The following HMCN1 variants were observed in gnomAD, a reference collection of about 807,000 sequenced individuals.
The protein encoded by HMCN1 is hemicentin-1.
In HMCN1, 321 loss-of-function variants were observed where a neutral mutation model predicts 625.9. The observed-to-expected ratio is 0.51, with a 90% CI of 0.47 to 0.56. The LOEUF (loss-of-function observed/expected upper bound fraction) is 0.56, where lower values mean the gene tolerates loss of function less well. HMCN1 is among the 20% of genes least tolerant of loss of function. HMCN1 has a pLI of 0.00. For missense variants in HMCN1, 6,588 were observed against 6,887.3 expected (o/e 0.96, Z 1.54); for synonymous variants, 2,425 against 2,417.6 (o/e 1.00, Z -0.09).
intron 89 of HMCN1, among the ~76,000 whole-genome samples, chr1:186,138,849 G>C (rs10489754): frequency 3.3e-5 from 5 of 152,192 alleles, no homozygotes; most frequent in Admixed American, 6.6e-5. Flanking sequence ...CTAGTGTAAA[G>C]AGTGTTGAGA....
At position 186,037,222 on chromosome 1, in the gene HMCN1, A is replaced by AGTTGTTT. The variant is rs1655893745; in HGVS notation, c.5750-709_5750-708insGTTTGTT. ...CTTCTTCAAACAAGACAGAACCTTT[A>AGTTGTTT]GTTCACTTGTAATTTTTTAATCCTG... On this transcript the variant is annotated intron_variant, in intron 36 of 106. Coordinates refer to ENST00000271588, the MANE Select transcript of HMCN1 (RefSeq NM_031935.3). Among the ~76,000 whole-genome samples, 3 of 152,020 alleles carry AGTTGTTT rather than the reference A, an allele frequency of 2.0e-5. No homozygotes were observed. The South Asian group carries it at 6.2e-4, about 32-fold the overall frequency.
At chr1:185,902,845 G>A (rs899138126) in intron 4 of HMCN1, among the ~76,000 whole-genome samples, 1 of 151,310 alleles carries the variant, frequency 6.6e-6, no homozygotes, top group Non-Finnish European at 1.5e-5. Flanking sequence ...ATGTATCTAT[G>A]TATTTTTATA....
At chr1:186,046,029 T>C (rs1656547452) in intron 41 of HMCN1, among the ~76,000 whole-genome samples, 166 bp downstream of exon 41, 1 of 152,154 alleles carries the variant, frequency 6.6e-6, no homozygotes, top group South Asian at 2.1e-4. Flanking sequence ...AAAATTTTTT[T>C]GTTTAGTGAG....
intron 6 of HMCN1, among the ~76,000 whole-genome samples, chr1:185,915,784 A>G (rs1022101897): frequency 6.6e-6 from 1 of 152,092 alleles, no homozygotes; most frequent in African/African-American, 2.4e-5. Flanking sequence ...ACCACACATG[A>G]AGATTATTAT....
chr1:185,990,453 C>G lies in HMCN1; in HGVS notation c.3377+10C>G, dbSNP rs928644972. The stretch of plus-strand genomic sequence containing the variant: ...CACCGTTCTCTCCAAGGTAGGAGAT[C>G]TGGGATGAATTGCAACACATGAAAA... On this transcript the variant is annotated intron_variant, in intron 22 of 106. Coordinates refer to ENST00000271588, the MANE Select transcript of HMCN1 (RefSeq NM_031935.3). The G allele has an allele frequency of 5.6e-6, 9 of 1,612,862 alleles. No individual in the cohort carries two copies. Among genetic ancestry groups the G allele is most frequent in the Middle Eastern group, 1.6e-4 (1 of 6,082 alleles).
chr1:186,063,476 AGG>A (rs1654116264), intron 48 of HMCN1, among the ~76,000 whole-genome samples: 2 of 140,408 alleles, frequency 1.4e-5, no homozygotes, highest in Non-Finnish European at 3.1e-5. Context: ...GAAGGAAGGA[AGG>A]AAGGAAGGAA....
At chr1:185,758,898 A>G (rs1248877482) in intron 1 of HMCN1, among the ~76,000 whole-genome samples, 1 of 152,192 alleles carries the variant, frequency 6.6e-6, no homozygotes, top group African/African-American at 2.4e-5. Context: ...GGAAGATCAG[A>G]GAGGTTAAAT....
chr1:186,104,894 A>G (rs1232423185), intron 69 of HMCN1, among the ~76,000 whole-genome samples: 2 of 152,196 alleles, frequency 1.3e-5, no homozygotes, highest in African/African-American at 2.4e-5. Flanking sequence ...AACAAACAAA[A>G]AGTAGGCAAA....
intron 1 of HMCN1, among the ~76,000 whole-genome samples, chr1:185,771,165 T>C (rs774206608): frequency 6.6e-6 from 1 of 152,206 alleles, no homozygotes; most frequent in East Asian, 1.9e-4. Context: ...GTGCTAAAAA[T>C]GAGGAAGTCC....
At chr1:186,187,691 C>T (rs1653427401) in intron 105 of HMCN1, among the ~76,000 whole-genome samples, 192 bp from the exon 106 acceptor site, 1 of 152,068 alleles carries the variant, frequency 6.6e-6, no homozygotes, top group South Asian at 2.1e-4. Context: ...GTGCTCGAGG[C>T]AACCTGGGAA....
intron 4 of HMCN1, among the ~76,000 whole-genome samples, chr1:185,890,503 A>G (rs912957110): frequency 2.1e-5 from 3 of 144,466 alleles, no homozygotes; most frequent in Non-Finnish European, 4.4e-5. Context: ...AGATTCTGGT[A>G]TGTTGTGTCT....
intron 36 of HMCN1, among the ~76,000 whole-genome samples, chr1:186,024,867 C>A (rs1295739542): frequency 6.6e-6 from 1 of 152,136 alleles, no homozygotes; most frequent in African/African-American, 2.4e-5. Flanking sequence ...GGACCAGTTT[C>A]TTGGAAGACA....
At chr1:185,901,119 G>C (rs1005841381) in intron 4 of HMCN1, among the ~76,000 whole-genome samples, 1 of 151,758 alleles carries the variant, frequency 6.6e-6, no homozygotes, top group Non-Finnish European at 1.5e-5. Context: ...AACCCAATAG[G>C]CACATGACAG....
chr1:186,049,694 A>C (rs1656819343), intron 42 of HMCN1, among the ~76,000 whole-genome samples: 1 of 152,080 alleles, frequency 6.6e-6, no homozygotes, highest in Non-Finnish European at 1.5e-5. Context: ...TGAGATTATA[A>C]GCTGAATTTA....
chr1:186,067,228 C>A (rs1658177792), intron 49 of HMCN1, among the ~76,000 whole-genome samples: 1 of 152,104 alleles, frequency 6.6e-6, no homozygotes. Context: ...TTTACTTGCT[C>A]CTTCCACTTT....
chr1:186,133,228 T>TATTCAATG (rs1359717739), intron 86 of HMCN1, among the ~76,000 whole-genome samples: 2 of 152,230 alleles, frequency 1.3e-5, no homozygotes, highest in Non-Finnish European at 2.9e-5. Flanking sequence ...AATTACAGCA[T>TATTCAATG]ATTCAATGGA....
rs115508935 is a variant in HMCN1 at position 185,741,147 on chromosome 1, C to T, written c.268+6100C>T. On this transcript the variant is annotated intron_variant, in intron 1 of 106. Coordinates refer to ENST00000271588, the MANE Select transcript of HMCN1 (RefSeq NM_031935.3). The stretch of plus-strand genomic sequence containing the variant: ...ACTGTGAATGGAAGCAGCATGAGGC[C>T]CTCACCAGATGCAGCTGCCCAATTT... Among the ~76,000 whole-genome samples, 1,258 of 152,232 alleles carry T rather than the reference C, an allele frequency of 8.3e-3. 12 individuals carry two copies. The highest frequency in any genetic ancestry group is 0.027 in the Middle Eastern group (8 of 294).
chr1:186,159,321 T>G (rs1651265449), intron 97 of HMCN1, among the ~76,000 whole-genome samples: 1 of 152,230 alleles, frequency 6.6e-6, no homozygotes, highest in African/African-American at 2.4e-5. Flanking sequence ...GATTTTGGGC[T>G]GAGACAATGG....
intron 85 of HMCN1, 59 bp downstream of exon 85, chr1:186,130,756 T>A: frequency 7.2e-7 from 1 of 1,383,462 alleles, no homozygotes; most frequent in Non-Finnish European, 1.0e-6. Flanking sequence ...TACCCCTCTG[T>A]GAGTGCCATA....
Sources: gnomAD v4.1 joint callset for allele counts (sites outside exome capture counted in the v4.1 genomes callset) on GRCh38, gnomAD v4.1.1 for gene constraint, MANE v1.5 for transcripts, NCBI Gene and HGNC (gene_info 2026-07-23, HGNC 2026-07-21) for gene names.